The following CEP112 variants were observed in gnomAD, a reference collection of about 807,000 sequenced individuals.
CEP112 encodes the protein centrosomal protein of 112 kDa.
Under a neutral mutation model 153.0 loss-of-function variants are expected in CEP112, and 127 were observed. The ratio of observed to expected loss-of-function variants is 0.83; its 90% CI spans 0.72 to 0.96. The LOEUF (loss-of-function observed/expected upper bound fraction) is 0.96, where lower values mean the gene tolerates loss of function less well. Among genes scored for constraint, CEP112 ranks in the 40% least tolerant of loss-of-function variants. CEP112 has a pLI of 0.00. For missense variants in CEP112, 1,089 were observed against 1,101.2 expected (o/e 0.99, Z 0.16); for synonymous variants, 358 against 374.4 (o/e 0.96, Z 0.51).
At chr17:66,035,544 C>A (rs1436243867) in intron 12 of CEP112, among the ~76,000 whole-genome samples, 4 of 152,060 alleles carry the variant, frequency 2.6e-5, no homozygotes, top group Non-Finnish European at 5.9e-5. Flanking sequence ...GGAGGCACCT[C>A]AAAAATTTAA....
At chr17:65,860,261 GA>G (rs886987460) in intron 20 of CEP112, among the ~76,000 whole-genome samples, 1 of 152,004 alleles carries the variant, frequency 6.6e-6, no homozygotes, top group East Asian at 1.9e-4. Flanking sequence ...AAACCCTAAG[GA>G]AAAAAATATA....
At chr17:66,116,304 A>T (rs2069290484) in intron 6 of CEP112, among the ~76,000 whole-genome samples, 1 of 152,112 alleles carries the variant, frequency 6.6e-6, no homozygotes, top group African/African-American at 2.4e-5. Context: ...CACATTGAAG[A>T]CACCATAAAG....
intron 8 of CEP112, among the ~76,000 whole-genome samples, chr17:66,091,591 G>A (rs527569851): frequency 6.6e-6 from 1 of 152,012 alleles, no homozygotes; most frequent in African/African-American, 2.4e-5. Context: ...CAAAACAGGA[G>A]ATCTCAAATA....
chr17:66,172,433 T>C (rs191319777), intron 4 of CEP112, among the ~76,000 whole-genome samples: 11 of 152,296 alleles, frequency 7.2e-5, no homozygotes, highest in African/African-American at 1.2e-4. Context: ...AGTGCCTGCT[T>C]TTCCCATTAC....
intron 6 of CEP112, among the ~76,000 whole-genome samples, chr17:66,126,182 A>C (rs1279336266): frequency 6.6e-6 from 1 of 152,232 alleles, no homozygotes; most frequent in African/African-American, 2.4e-5. Flanking sequence ...AACCAGAATG[A>C]ACATACTTAT....
intron 14 of CEP112, among the ~76,000 whole-genome samples, chr17:66,028,642 A>G (rs1256208579): frequency 6.6e-6 from 1 of 151,904 alleles, no homozygotes; most frequent in Non-Finnish European, 1.5e-5. Context: ...TGCTGACATA[A>G]AAATATAATC....
Position 65,832,418 on chromosome 17 carries a change from G to GA in CEP112, c.2394+19385dup, listed in dbSNP as rs869138180. Among the ~76,000 whole-genome samples, 770 of 126,700 alleles carry GA rather than the reference G, an allele frequency of 6.1e-3. 3 individuals are homozygous for GA. Among genetic ancestry groups the GA allele is most frequent in the Middle Eastern group, 0.016 (4 of 250 alleles). The allele number at this position is 126,700 out of a possible 152,430, so 83.1% of individuals were successfully genotyped here. Reference sequence around the variant, plus strand: ...AGTGAATCCAGGAGTTTGTTTTTTGGAAAAAAAAAAAAAACTAAAAAGACA... The same window carrying GA: ...AGTGAATCCAGGAGTTTGTTTTTTGGAAAAAAAAAAAAAAACTAAAAAGACA... On this transcript the variant is annotated intron_variant, in intron 21 of 26. Transcript: ENST00000535342.
intron 6 of CEP112, among the ~76,000 whole-genome samples, chr17:66,112,028 C>T (rs2146382597): frequency 6.6e-6 from 1 of 152,272 alleles, no homozygotes; most frequent in Middle Eastern, 3.4e-3. Flanking sequence ...CGGTGGCTCA[C>T]ACCTGTAATC....
At chr17:65,904,404 A>G (rs1358817371) in intron 19 of CEP112, among the ~76,000 whole-genome samples, 1 of 152,210 alleles carries the variant, frequency 6.6e-6, no homozygotes, top group African/African-American at 2.4e-5. Flanking sequence ...AGGGATGTGA[A>G]AGACCTCTTC....
Position 65,775,413 on chromosome 17 carries a change from A to G in CEP112, c.2395-24689T>C, listed in dbSNP as rs532360933. Among the ~76,000 whole-genome samples the G allele has an allele frequency of 6.6e-5, 10 of 152,298 alleles. No homozygotes were observed. The East Asian group carries it at 1.9e-3, about 29-fold the overall frequency. ...ACGGCAGGAAAGCACAAGCATTTTT[A>G]TCACGGTTTTCCCCACTTTGCATTA... On this transcript the variant is annotated intron_variant, in intron 21 of 26. Coordinates refer to ENST00000535342, the MANE Select transcript of CEP112 (RefSeq NM_001199165.4).
At chr17:65,955,495 C>T (rs1034348850) in intron 18 of CEP112, among the ~76,000 whole-genome samples, 2 of 152,084 alleles carry the variant, frequency 1.3e-5, no homozygotes, top group African/African-American at 4.8e-5. Context: ...TAATACCTCA[C>T]ATCTCAATAC....
At chr17:65,715,057 A>G (rs1292786005) in intron 23 of CEP112, among the ~76,000 whole-genome samples, 1 of 152,150 alleles carries the variant, frequency 6.6e-6, no homozygotes, top group Non-Finnish European at 1.5e-5. Flanking sequence ...TGTAAAGTGG[A>G]TTAGGGTAAT....
chr17:65,936,858 G>A (rs1378022287), intron 18 of CEP112, among the ~76,000 whole-genome samples: 2 of 129,214 alleles, frequency 1.5e-5, no homozygotes, highest in African/African-American at 2.8e-5. Context: ...GTCTCCCTCT[G>A]ATGCCGAGCC....
intron 24 of CEP112, among the ~76,000 whole-genome samples, chr17:65,646,753 C>T (rs963754951): frequency 6.6e-6 from 1 of 152,178 alleles, no homozygotes; most frequent in Non-Finnish European, 1.5e-5. Flanking sequence ...GCCAGAGACA[C>T]GTGGGTTAGA....
chr17:66,026,147 G>A (rs2065198377), intron 16 of CEP112, among the ~76,000 whole-genome samples: 1 of 152,074 alleles, frequency 6.6e-6, no homozygotes, highest in Non-Finnish European at 1.5e-5. Flanking sequence ...GGGAGGTTAG[G>A]AGGGGACGAG....
chr17:65,826,615 C>T, intron 21 of CEP112: 1 of 1,174,944 alleles, frequency 8.5e-7, no homozygotes, highest in Non-Finnish European at 1.1e-6. Flanking sequence ...AAATAGGAAG[C>T]AGGCTAAAGA....
At chr17:65,718,138 G>T (rs2049646931) in intron 23 of CEP112, among the ~76,000 whole-genome samples, 1 of 152,130 alleles carries the variant, frequency 6.6e-6, no homozygotes, top group Admixed American at 6.5e-5. Flanking sequence ...GGGCGCGGTG[G>T]CTCACGCCTG....
At chr17:65,761,674 T>C (rs930032523) in intron 21 of CEP112, among the ~76,000 whole-genome samples, 1 of 152,150 alleles carries the variant, frequency 6.6e-6, no homozygotes, top group Non-Finnish European at 1.5e-5. Context: ...TAAAGTGTGT[T>C]ATATAATCCC....
At chr17:65,852,072 A>C in intron 20 of CEP112, 38 bp from the exon 21 acceptor site, 3 of 1,423,186 alleles carry the variant, frequency 2.1e-6, no homozygotes, top group Non-Finnish European at 2.9e-6. Context: ...AGAAGATATC[A>C]ATAGGGAAGT....
Sources: gnomAD v4.1 joint callset for allele counts (sites outside exome capture counted in the v4.1 genomes callset) on GRCh38, gnomAD v4.1.1 for gene constraint, MANE v1.5 for transcripts, NCBI Gene and HGNC (gene_info 2026-07-23, HGNC 2026-07-21) for gene names.